CACNA2D1: variants seen among roughly 807,000 people sequenced by gnomAD.
CACNA2D1 encodes calcium voltage-gated channel auxiliary subunit alpha2delta 1.
Under a neutral mutation model 171.5 loss-of-function variants are expected in CACNA2D1, and 53 were observed. That is an observed-to-expected ratio of 0.31 (90% CI 0.25 to 0.39). CACNA2D1 has a LOEUF of 0.39. Among genes scored for constraint, CACNA2D1 ranks in the 10% least tolerant of loss-of-function variants. The pLI, the probability that CACNA2D1 is intolerant of heterozygous loss-of-function variation, is 1.00. For synonymous variants in CACNA2D1, 442 were observed against 443.1 expected (o/e 1.00, Z 0.03); for missense variants, 903 against 1,299.8 (o/e 0.69, Z 4.69).
intron 15 of CACNA2D1, among the ~76,000 whole-genome samples, chr7:82,009,728 G>A (rs1015102306): frequency 2.0e-5 from 3 of 151,772 alleles, no homozygotes; most frequent in East Asian, 3.9e-4. Flanking sequence ...GAACTCATTT[G>A]GGCCCAACTT....
At chr7:81,953,437 C>T (rs1792837150) in intron 38 of CACNA2D1, among the ~76,000 whole-genome samples, 2 of 152,080 alleles carry the variant, frequency 1.3e-5, no homozygotes, top group South Asian at 4.1e-4. Flanking sequence ...CACTGGCTTT[C>T]TCTGCAACAG....
At chr7:82,358,640 T>C (rs1012421417) in intron 1 of CACNA2D1, among the ~76,000 whole-genome samples, 1 of 151,928 alleles carries the variant, frequency 6.6e-6, no homozygotes, top group East Asian at 1.9e-4. Context: ...CTCTGATTCC[T>C]AAGCTGTTCA....
chr7:81,996,337 C>G (rs866467355), intron 19 of CACNA2D1, among the ~76,000 whole-genome samples: 7 of 152,234 alleles, frequency 4.6e-5, no homozygotes, highest in African/African-American at 1.4e-4. Context: ...TAACACAAGG[C>G]CACCGTCTAG....
intron 3 of CACNA2D1, among the ~76,000 whole-genome samples, chr7:82,217,757 G>A (rs1801310511): frequency 6.7e-6 from 1 of 149,614 alleles, no homozygotes; most frequent in East Asian, 1.9e-4. Context: ...TAGTTTCAGG[G>A]GTAAAATATA....
At chr7:82,090,277 G>A (rs1011450564) in intron 6 of CACNA2D1, among the ~76,000 whole-genome samples, 3 of 151,846 alleles carry the variant, frequency 2.0e-5, no homozygotes, top group Non-Finnish European at 2.9e-5. Context: ...TTCTAATAAA[G>A]CAGATTTATG....
At chr7:82,345,450 A>G (rs995356510) in intron 2 of CACNA2D1, among the ~76,000 whole-genome samples, 2 of 152,188 alleles carry the variant, frequency 1.3e-5, no homozygotes, top group African/African-American at 4.8e-5. Context: ...TATTCTAAAC[A>G]TATTTGCAGA....
intron 3 of CACNA2D1, among the ~76,000 whole-genome samples, chr7:82,302,613 A>T (rs2129426535): frequency 6.6e-6 from 1 of 152,100 alleles, no homozygotes. Flanking sequence ...GGGTTCCTCC[A>T]TGTTGGTCAG....
At chr7:82,348,751 A>G (rs1819536599) in intron 2 of CACNA2D1, among the ~76,000 whole-genome samples, 1 of 152,130 alleles carries the variant, frequency 6.6e-6, no homozygotes, top group South Asian at 2.1e-4. Context: ...CTTTTATACC[A>G]CTTTATCTCA....
chr7:82,354,060 C>T (rs546304347), intron 1 of CACNA2D1, among the ~76,000 whole-genome samples: 1 of 152,176 alleles, frequency 6.6e-6, no homozygotes, highest in East Asian at 1.9e-4. Context: ...TGGCGAGTGT[C>T]CTGCCCTATA....
chr7:82,052,705 T>C (rs1211994436), intron 10 of CACNA2D1, among the ~76,000 whole-genome samples: 2 of 152,308 alleles, frequency 1.3e-5, no homozygotes, highest in South Asian at 2.1e-4. Context: ...TGAAGTTTCA[T>C]AAGAGCAAAA....
chr7:81,970,998 A>T (rs1438637940), intron 26 of CACNA2D1: 3 of 465,270 alleles, frequency 6.4e-6, no homozygotes, highest in Admixed American at 3.3e-5. Flanking sequence ...GAAAGCAGGA[A>T]GGTATCACTT....
chr7:82,035,689 T>C (rs1803214264), intron 11 of CACNA2D1, among the ~76,000 whole-genome samples: 2 of 152,000 alleles, frequency 1.3e-5, no homozygotes, highest in South Asian at 2.1e-4. Context: ...AACTGAAACC[T>C]AAACAGGAGG....
At chr7:82,120,747 T>C (rs1373160754) in intron 5 of CACNA2D1, among the ~76,000 whole-genome samples, 1 of 151,822 alleles carries the variant, frequency 6.6e-6, no homozygotes, top group Non-Finnish European at 1.5e-5. Context: ...TGGTGGCACA[T>C]GCCTGTAGTC....
At chr7:82,161,774 A>G (rs1229628594) in intron 4 of CACNA2D1, among the ~76,000 whole-genome samples, 1 of 152,052 alleles carries the variant, frequency 6.6e-6, no homozygotes, top group Non-Finnish European at 1.5e-5. Flanking sequence ...CGGATAAATG[A>G]GCCTAAAGCT....
intron 6 of CACNA2D1, among the ~76,000 whole-genome samples, chr7:82,113,802 C>A (rs1038039510): frequency 1.3e-5 from 2 of 152,176 alleles, no homozygotes; most frequent in Non-Finnish European, 2.9e-5. Context: ...TTTCTGATTT[C>A]ATTCCTGTCA....
chr7:82,080,958 T>G (rs1809680293), intron 7 of CACNA2D1, among the ~76,000 whole-genome samples: 1 of 152,340 alleles, frequency 6.6e-6, no homozygotes, highest in African/African-American at 2.4e-5. Flanking sequence ...TTCATCATAT[T>G]ATCTCATTGA....
chr7:82,001,697 G>A (rs774664177), intron 18 of CACNA2D1: 15 of 1,257,258 alleles, frequency 1.2e-5, no homozygotes, highest in Non-Finnish European at 1.6e-5. Context: ...TTAATTGTTG[G>A]TATACCTACA....
At chr7:82,385,183 T>C (rs1585748355) in intron 1 of CACNA2D1, among the ~76,000 whole-genome samples, 1 of 152,222 alleles carries the variant, frequency 6.6e-6, no homozygotes. Flanking sequence ...TGTGCTCGTC[T>C]GTCCCTTTCT....
chr7:82,385,276 T>C (rs3801682), intron 1 of CACNA2D1, among the ~76,000 whole-genome samples: 39,206 of 152,236 alleles, frequency 0.26, 6,175 homozygotes, highest in South Asian at 0.37. Flanking sequence ...CAAATTGAAA[T>C]GGATCATAAC....
Sources: gnomAD v4.1 joint callset for allele counts (sites outside exome capture counted in the v4.1 genomes callset) on GRCh38, gnomAD v4.1.1 for gene constraint, MANE v1.5 for transcripts, NCBI Gene and HGNC (gene_info 2026-07-23, HGNC 2026-07-21) for gene names.